Variants in MTHFD1L observed in about 807,000 individuals in gnomAD.
MTHFD1L encodes the protein methylenetetrahydrofolate dehydrogenase (NADP+ dependent) 1 like.
In MTHFD1L, 81 loss-of-function variants were observed where a neutral mutation model predicts 119.5. That is an observed-to-expected ratio of 0.68 (90% CI 0.57 to 0.82). The LOEUF (loss-of-function observed/expected upper bound fraction) is 0.82. MTHFD1L is among the 40% of genes least tolerant of loss of function. MTHFD1L has a pLI of 0.00. For missense variants in MTHFD1L, 1,125 were observed against 1,253.4 expected (o/e 0.90, Z 1.55); for synonymous variants, 430 against 475.2 (o/e 0.90, Z 1.24).
At chr6:150,941,795 A>T (rs1450970183) in intron 13 of MTHFD1L, among the ~76,000 whole-genome samples, 1 of 152,122 alleles carries the variant, frequency 6.6e-6, no homozygotes, top group Non-Finnish European at 1.5e-5. Flanking sequence ...GGAGGGAGTC[A>T]GTTTAGAGGC....
At chr6:150,936,658 G>C in intron 11 of MTHFD1L, 146 bp from the exon 12 acceptor site, 1 of 968,996 alleles carries the variant, frequency 1.0e-6, no homozygotes, top group Non-Finnish European at 1.6e-6. Context: ...TGTGTGATGT[G>C]AGTAGACCAT....
chr6:151,046,148 A>C (rs1417161785), intron 26 of MTHFD1L, among the ~76,000 whole-genome samples: 1 of 152,126 alleles, frequency 6.6e-6, no homozygotes, highest in Admixed American at 6.5e-5. Flanking sequence ...AAACTACTTT[A>C]AATGAAATCA....
intron 13 of MTHFD1L, among the ~76,000 whole-genome samples, chr6:150,940,858 G>A (rs1792975509): frequency 6.6e-6 from 1 of 152,184 alleles, no homozygotes; most frequent in African/African-American, 2.4e-5. Flanking sequence ...AGGATTACAG[G>A]CGTGAGCCAC....
intron 1 of MTHFD1L, chr6:150,866,310 G>T (rs993135313): frequency 2.2e-5 from 32 of 1,465,652 alleles, no homozygotes; most frequent in Admixed American, 2.5e-5. Flanking sequence ...GCGCCTAGCG[G>T]CATGGACCGC....
rs547329083 is a variant in MTHFD1L, at chr6:150,961,212, G to A, written c.1944+797G>A. ...GGATTCAAGCGATTCTCCTGCCTCC[G>A]CCTCCTGAGTAGCTGAGATTACAGG... On this transcript the variant is annotated intron_variant, in intron 18 of 27. Transcript: ENST00000367321. Among the ~76,000 whole-genome samples the A allele has an allele frequency of 4.7e-5, 7 of 149,006 alleles. No homozygotes were observed. The East Asian group carries it at 8.2e-4, about 17-fold the overall frequency.
intron 26 of MTHFD1L, among the ~76,000 whole-genome samples, chr6:151,060,555 AG>A (rs1274614112): frequency 6.6e-6 from 1 of 152,186 alleles, no homozygotes; most frequent in Non-Finnish European, 1.5e-5. Flanking sequence ...GGGGGCTGGC[AG>A]GGATAGGGAA....
At chr6:151,099,416 C>A in intron 27 of MTHFD1L, 1 of 742,312 alleles carries the variant, frequency 1.3e-6, no homozygotes, top group East Asian at 2.6e-5. Flanking sequence ...ATACCAGAGC[C>A]ACTACAGTGA....
chr6:150,923,522 T>TTTATTTATTTATTTATTTAC (rs1789378825), intron 10 of MTHFD1L, among the ~76,000 whole-genome samples: 2 of 135,960 alleles, frequency 1.5e-5, no homozygotes, highest in Non-Finnish European at 3.0e-5. Context: ...TATTTATTTA[T>TTTATTTATTTATTTATTTAC]TTATTTATTT....
intron 26 of MTHFD1L, among the ~76,000 whole-genome samples, chr6:151,090,968 C>T (rs910886660): frequency 4.0e-5 from 5 of 125,022 alleles, no homozygotes; most frequent in Non-Finnish European, 1.7e-5. Flanking sequence ...GGTGCAGCAT[C>T]GCCCCATGCG....
In MTHFD1L at chr6:151,035,280, G is replaced by A. The variant is rs75173972; in HGVS notation, c.2694+680G>A. Among the ~76,000 whole-genome samples the A allele has an allele frequency of 8.9e-4, 135 of 152,232 alleles. 1 individual carries two copies. Among genetic ancestry groups the A allele is most frequent in the African/African-American group, 3.0e-3 (125 of 41,548 alleles). ...CTCAGCCACCTTCACCAAAAGGACC[G>A]TATGCCTCGAGTGTCCCTCCTACTT... On this transcript the variant is annotated intron_variant, in intron 25 of 27. Transcript: ENST00000367321.
intron 7 of MTHFD1L, among the ~76,000 whole-genome samples, chr6:150,899,751 A>C (rs1784814357): frequency 6.6e-6 from 1 of 152,110 alleles, no homozygotes. Flanking sequence ...AGGCAGGCGG[A>C]TCATGAGGTC....
At chr6:150,988,610 G>GGT (rs1554272030) in intron 20 of MTHFD1L, among the ~76,000 whole-genome samples, 1 of 151,492 alleles carries the variant, frequency 6.6e-6, no homozygotes. Context: ...TTTTTTGTGG[G>GGT]GGGGGCGGGA....
intron 8 of MTHFD1L, chr6:150,912,821 G>A: frequency 2.9e-6 from 1 of 350,546 alleles, no homozygotes; most frequent in Non-Finnish European, 6.0e-6. Flanking sequence ...GTGATCCCAG[G>A]ATATTACCCA....
At chr6:151,040,159 C>T (rs958632060) in intron 26 of MTHFD1L, among the ~76,000 whole-genome samples, 2 of 152,132 alleles carry the variant, frequency 1.3e-5, no homozygotes, top group African/African-American at 4.8e-5. Context: ...GCCTCAGTCA[C>T]GATCTGTCCT....
intron 24 of MTHFD1L, among the ~76,000 whole-genome samples, chr6:151,024,385 T>C (rs1449466795): frequency 6.6e-6 from 1 of 151,996 alleles, no homozygotes; most frequent in Non-Finnish European, 1.5e-5. Context: ...CTAAAAATAT[T>C]TTAAAAATTA....
At chr6:151,004,008 TAA>T (rs397886081) in intron 20 of MTHFD1L, among the ~76,000 whole-genome samples, 3,986 of 125,974 alleles carry the variant, frequency 0.032, 171 homozygotes, top group Admixed American at 0.14. Flanking sequence ...TGCTTTTTTT[TAA>T]AAAAAAAAAA....
intron 27 of MTHFD1L, chr6:151,099,588 C>T: frequency 6.2e-7 from 1 of 1,609,308 alleles, no homozygotes; most frequent in African/African-American, 1.3e-5. Flanking sequence ...AGAAGTTCAT[C>T]CGGCACCAGT....
At position 150,876,088 on chromosome 6, in the gene MTHFD1L, A is replaced by T; in HGVS notation, c.228-2A>T. On this transcript the variant is annotated splice_acceptor_variant, in intron 1 of 27. Coordinates refer to ENST00000367321, the MANE Select transcript of MTHFD1L (RefSeq NM_015440.5). LOFTEE classifies it high-confidence loss of function. Reference sequence around the variant, plus strand: ...ACAATGTTGTTTTCTTTCTCAATGTAGAGAAGTCATTCAGAATTCAAAAGA... The same window carrying T: ...ACAATGTTGTTTTCTTTCTCAATGTTGAGAAGTCATTCAGAATTCAAAAGA... The T allele has an allele frequency of 6.3e-7, 1 of 1,594,438 alleles. No homozygotes were observed. The highest frequency in any genetic ancestry group is 1.3e-5 in the African/African-American group (1 of 74,596).
At chr6:151,086,696 TTTTG>T (rs780005417) in intron 26 of MTHFD1L, among the ~76,000 whole-genome samples, 1 of 151,830 alleles carries the variant, frequency 6.6e-6, no homozygotes, top group Non-Finnish European at 1.5e-5. Context: ...CCTGGCTAAT[TTTTG>T]TTTGTTTTTT....
Sources: allele counts gnomAD v4.1 joint callset (sites outside exome capture counted in the v4.1 genomes callset), GRCh38; gene constraint gnomAD v4.1.1; transcripts MANE v1.5; gene names NCBI Gene and HGNC (gene_info 2026-07-23, HGNC 2026-07-21).